The following SEMA6D variants were observed in gnomAD, a reference collection of about 807,000 sequenced individuals.
The protein encoded by SEMA6D is semaphorin 6D, also known as semaphorin-6D.
In SEMA6D, 35 loss-of-function variants were observed where a neutral mutation model predicts 106.6. That is an observed-to-expected ratio of 0.33 (90% CI 0.25 to 0.44). The LOEUF (loss-of-function observed/expected upper bound fraction) is 0.44. Among genes scored for constraint, SEMA6D ranks in the 20% least tolerant of loss-of-function variants. The pLI, the probability that SEMA6D is intolerant of heterozygous loss-of-function variation, is 1.00. For missense variants in SEMA6D, 1,185 were observed against 1,345.9 expected, an observed-to-expected ratio of 0.88 and a Z score of 1.87; for synonymous variants, 499 against 487.7, an observed-to-expected ratio of 1.02 and a Z score of -0.31.
chr15:47,238,840 G>A (rs1220961205), intron 1 of SEMA6D, among the ~76,000 whole-genome samples: 1 of 152,144 alleles, frequency 6.6e-6, no homozygotes, highest in African/African-American at 2.4e-5. Context: ...AAGCAACAGG[G>A]AAGGTGCTCC....
intron 1 of SEMA6D, among the ~76,000 whole-genome samples, chr15:47,332,410 C>G (rs2037376286): frequency 6.6e-6 from 1 of 152,192 alleles, no homozygotes; most frequent in South Asian, 2.1e-4. Context: ...GTTCCTGTCC[C>G]TGACAGCTTA....
intron 3 of SEMA6D, among the ~76,000 whole-genome samples, chr15:47,508,442 C>G (rs1003210810): frequency 6.6e-6 from 1 of 152,128 alleles, no homozygotes; most frequent in Non-Finnish European, 1.5e-5. Flanking sequence ...AAGAGGATGG[C>G]CCCATGGAGT....
intron 4 of SEMA6D, among the ~76,000 whole-genome samples, chr15:47,617,498 T>C (rs939822909): frequency 3.2e-4 from 48 of 152,312 alleles, no homozygotes; most frequent in African/African-American, 1.2e-3. Flanking sequence ...TGTGACACCA[T>C]AACAGAAGTA....
chr15:47,678,069 C>G (rs1341135647), intron 4 of SEMA6D, among the ~76,000 whole-genome samples: 2 of 152,134 alleles, frequency 1.3e-5, no homozygotes. Flanking sequence ...TTGACACATT[C>G]ACTAGCCTAA....
At chr15:47,316,229 A>G (rs1595714851) in intron 1 of SEMA6D, among the ~76,000 whole-genome samples, 1 of 150,970 alleles carries the variant, frequency 6.6e-6, no homozygotes, top group African/African-American at 2.4e-5. Context: ...AGTAGCTGGG[A>G]TTACAGGCAC....
intron 4 of SEMA6D, among the ~76,000 whole-genome samples, chr15:47,674,472 CTA>C: frequency 6.6e-6 from 1 of 152,190 alleles, no homozygotes; most frequent in East Asian, 1.9e-4. Context: ...TGTCAATAAA[CTA>C]TTCTTTGATT....
chr15:47,273,951 GA>G (rs2034682201), intron 1 of SEMA6D, among the ~76,000 whole-genome samples: 1 of 152,082 alleles, frequency 6.6e-6, no homozygotes, highest in South Asian at 2.1e-4. Context: ...CTCACAGTCA[GA>G]ACATCTCTTT....
chr15:47,221,124 G>T (rs1427475653), intron 1 of SEMA6D, among the ~76,000 whole-genome samples: 1 of 152,106 alleles, frequency 6.6e-6, no homozygotes, highest in Non-Finnish European at 1.5e-5. Flanking sequence ...TCCAAGCTCT[G>T]TGCCCCCTGA....
chr15:47,238,849 C>T (rs559045412), intron 1 of SEMA6D, among the ~76,000 whole-genome samples: 2 of 152,210 alleles, frequency 1.3e-5, no homozygotes, highest in African/African-American at 4.8e-5. Context: ...GGAAGGTGCT[C>T]CTCTCCTCTT....
intron 1 of SEMA6D, among the ~76,000 whole-genome samples, chr15:47,719,745 T>C (rs571728923): frequency 6.6e-6 from 1 of 152,350 alleles, no homozygotes; most frequent in Admixed American, 6.5e-5. Flanking sequence ...TCTCCTTTGG[T>C]GGCTTAAAAA....
chr15:47,704,808 T>C (rs2078882321), intron 4 of SEMA6D, among the ~76,000 whole-genome samples: 2 of 152,252 alleles, frequency 1.3e-5, no homozygotes, highest in Non-Finnish European at 2.9e-5. Flanking sequence ...TCCATGGCTC[T>C]TATTTTCTTT....
intron 1 of SEMA6D, chr15:47,730,874 T>C (rs2146669585): frequency 8.8e-7 from 1 of 1,130,818 alleles, no homozygotes; most frequent in African/African-American, 1.5e-5. Context: ...AGCCTCCTGC[T>C]TCTTCACGAC....
In SEMA6D at chr15:47,211,234, A is replaced by G. The variant is rs554330519; in HGVS notation, c.-239+26816A>G. 2.6e-5 allele frequency among the ~76,000 whole-genome samples: 4 copies of G among 152,258 alleles called. No individual in the cohort carries two copies. In the South Asian group the frequency reaches 8.3e-4, roughly 32 times the overall value. ...AGTTTTCTGAAAAAAATTATATAGCATGCGTACACTTGTATACCTGGCCAT... is the reference window on the plus strand; with the variant it reads ...AGTTTTCTGAAAAAAATTATATAGCGTGCGTACACTTGTATACCTGGCCAT... On this transcript the variant is annotated intron_variant, in intron 1 of 19. Transcript: ENST00000558014.
intron 3 of SEMA6D, among the ~76,000 whole-genome samples, chr15:47,546,466 T>C (rs1227011093): frequency 6.6e-6 from 1 of 152,158 alleles, no homozygotes; most frequent in Non-Finnish European, 1.5e-5. Context: ...GCACTGGACA[T>C]ATGTAGGTAT....
At chr15:47,214,120 A>G (rs1367689241) in intron 1 of SEMA6D, among the ~76,000 whole-genome samples, 1 of 152,204 alleles carries the variant, frequency 6.6e-6, no homozygotes, top group African/African-American at 2.4e-5. Context: ...ATGTCAAGCA[A>G]TACATTATAC....
At chr15:47,217,732 G>T (rs893439839) in intron 1 of SEMA6D, among the ~76,000 whole-genome samples, 3 of 151,320 alleles carry the variant, frequency 2.0e-5, no homozygotes, top group African/African-American at 7.3e-5. Context: ...CATTTTTCTG[G>T]ATTTCACTTA....
At chr15:47,333,320 T>C (rs2037418533) in intron 1 of SEMA6D, among the ~76,000 whole-genome samples, 1 of 152,108 alleles carries the variant, frequency 6.6e-6, no homozygotes, top group South Asian at 2.1e-4. Context: ...AATAGAATAA[T>C]TGATCAAAAC....
chr15:47,363,962 T>A (rs377711383), intron 1 of SEMA6D, among the ~76,000 whole-genome samples: 3 of 152,156 alleles, frequency 2.0e-5, no homozygotes, highest in African/African-American at 7.2e-5. Context: ...TCAGCTCTCC[T>A]GAGAACTCCC....
At chr15:47,565,870 C>A (rs1005599361) in intron 3 of SEMA6D, among the ~76,000 whole-genome samples, 34 of 152,210 alleles carry the variant, frequency 2.2e-4, no homozygotes, top group Admixed American at 2.2e-3. Context: ...GACCCTCTCT[C>A]CCTTCACTTC....
Sources: allele counts gnomAD v4.1 joint callset (sites outside exome capture counted in the v4.1 genomes callset), GRCh38; gene constraint gnomAD v4.1.1; transcripts MANE v1.5; gene names NCBI Gene and HGNC (gene_info 2026-07-23, HGNC 2026-07-21).